CHD7: variants seen among roughly 807,000 people sequenced by gnomAD.
CHD7 encodes chromodomain helicase DNA binding protein 7.
A neutral mutation model predicts 307.3 loss-of-function variants in CHD7; 24 were observed. The observed-to-expected ratio is 0.08, with a 90% confidence interval of 0.06 to 0.11. CHD7 has a LOEUF of 0.11. Ranked by LOEUF, CHD7 falls within the 10% of genes least tolerant of loss-of-function variation. CHD7 has a pLI of 1.00. For synonymous variants in CHD7, 1,363 were observed against 1,349.9 expected (o/e 1.01, Z -0.21); for missense variants, 3,106 against 3,727.1 (o/e 0.83, Z 4.34).
chr8:60,772,793 G>C (rs528663720), intron 2 of CHD7, among the ~76,000 whole-genome samples: 3 of 152,328 alleles, frequency 2.0e-5, no homozygotes, highest in Admixed American at 6.5e-5. Flanking sequence ...TGAACATACT[G>C]TCTTTGTCAT....
Position 60,761,216 on chromosome 8 carries a change from A to T in CHD7, c.1665+18119A>T, listed in dbSNP as rs1338165072. 2.6e-5 allele frequency among the ~76,000 whole-genome samples: 4 copies of T among 151,492 alleles called. No homozygotes were observed. The South Asian group carries it at 8.4e-4, about 32-fold the overall frequency. On this transcript the variant is annotated intron_variant, in intron 2 of 37. Coordinates refer to ENST00000423902, the MANE Select transcript of CHD7 (RefSeq NM_017780.4). ...AGGGACATGGATGAAATTGGAAATC[A>T]TCATTCTCAGTAAACTATCGCAAGA...
intron 1 of CHD7, among the ~76,000 whole-genome samples, chr8:60,727,207 G>T (rs777356242): frequency 7.2e-5 from 11 of 151,992 alleles, no homozygotes; most frequent in Non-Finnish European, 1.2e-4. Flanking sequence ...GCTCATTGCA[G>T]CCTCGACCTC....
chr8:60,858,817 C>T (rs1282346555), intron 34 of CHD7, among the ~76,000 whole-genome samples: 1 of 152,066 alleles, frequency 6.6e-6, no homozygotes. Context: ...ACCATGTTGC[C>T]CAGGCTGGTC....
Position 60,841,994 on chromosome 8 carries a change from T to A in CHD7, c.4792T>A (p.Ser1598Thr), listed in dbSNP as rs1804996442. The A allele has an allele frequency of 6.2e-7, 1 of 1,613,938 alleles. No homozygotes were observed. The highest frequency in any genetic ancestry group is 8.5e-7 in the Non-Finnish European group (1 of 1,179,864). ...AAAGCCACGGCGTCCCCAGGATAAG[T>A]CACAGGGCTATGCAAGGAGTGAATG... ...CAKPRRPQDK[S>T]QGYARSECFR... Residue 1598 changes from serine (S) to threonine (T), a missense_variant, in exon 21 of 38, where the codon TCA becomes ACA. Transcript: ENST00000423902.
At chr8:60,799,926 C>T (rs937021406) in intron 4 of CHD7, among the ~76,000 whole-genome samples, 1 of 152,132 alleles carries the variant, frequency 6.6e-6, no homozygotes, top group Non-Finnish European at 1.5e-5. Flanking sequence ...TATTTGTTAG[C>T]ACTGTGATCT....
chr8:60,807,610 G>T (rs1045669912), intron 6 of CHD7, among the ~76,000 whole-genome samples: 1 of 152,194 alleles, frequency 6.6e-6, no homozygotes, highest in East Asian at 1.9e-4. Context: ...TGGCTGCTAT[G>T]TGTGTGAGAC....
At chr8:60,831,988 G>A (rs113276082) in intron 15 of CHD7, among the ~76,000 whole-genome samples, 8 of 151,942 alleles carry the variant, frequency 5.3e-5, no homozygotes, top group African/African-American at 9.6e-5. Flanking sequence ...GGTGTGATGC[G>A]ACGAATCAGT....
rs757868659 is a variant in CHD7 at position 60,856,001 on chromosome 8, C to A, written c.6963C>A (p.Asp2321Glu). ...ATAGAGTAATGATAAACCGCTTAGACAACATCTGTGAAGCAGTGTTGAAAG... is the reference window on the plus strand; with the variant it reads ...ATAGAGTAATGATAAACCGCTTAGAAAACATCTGTGAAGCAGTGTTGAAAG... ...PKDRVMINRL[D>E]NICEAVLKGK... Residue 2321 changes from aspartate to glutamate, a missense_variant, in exon 33 of 38, where the codon GAC becomes GAA. Physicochemically the swap from Asp to Glu is conservative, Grantham distance 45. This residue lies in a region of CHD7 where 1,030 missense variants were observed against 1,165.4 expected (regional missense o/e 0.88). Coordinates refer to ENST00000423902, the MANE Select transcript of CHD7 (RefSeq NM_017780.4). The A allele has an allele frequency of 6.2e-7, 1 of 1,609,892 alleles. No individual in the cohort carries two copies. Among genetic ancestry groups the A allele is most frequent in the Non-Finnish European group, 8.5e-7 (1 of 1,177,854 alleles).
At chr8:60,779,525 T>C (rs78107892) in intron 2 of CHD7, among the ~76,000 whole-genome samples, 292 of 152,356 alleles carry the variant, frequency 1.9e-3, no homozygotes, top group African/African-American at 6.5e-3. Flanking sequence ...TTTTTTGTTA[T>C]GAGATTCAGG....
intron 1 of CHD7, among the ~76,000 whole-genome samples, chr8:60,733,383 A>T (rs1470354980): frequency 6.6e-6 from 1 of 152,200 alleles, no homozygotes; most frequent in African/African-American, 2.4e-5. Context: ...TGCTATTAGA[A>T]TGTGTGCCCA....
chr8:60,781,924 A>C (rs1811256645), intron 3 of CHD7, among the ~76,000 whole-genome samples: 1 of 152,222 alleles, frequency 6.6e-6, no homozygotes, highest in Admixed American at 6.5e-5. Flanking sequence ...TGAGCAGCGC[A>C]AGAGAAATCA....
intron 3 of CHD7, among the ~76,000 whole-genome samples, chr8:60,789,098 C>T (rs1811646581): frequency 6.6e-6 from 1 of 152,180 alleles, no homozygotes; most frequent in African/African-American, 2.4e-5. Context: ...ATGCTCTGCT[C>T]TTAAGTTGAG....
chr8:60,777,131 A>G (rs1346509753), intron 2 of CHD7, among the ~76,000 whole-genome samples: 4 of 152,208 alleles, frequency 2.6e-5, no homozygotes, highest in Non-Finnish European at 5.9e-5. Context: ...TTTTGTTTTC[A>G]TAAGTACCAT....
At chr8:60,821,329 G>T (rs1804022957) in intron 9 of CHD7, among the ~76,000 whole-genome samples, 1 of 152,060 alleles carries the variant, frequency 6.6e-6, no homozygotes, top group South Asian at 2.1e-4. Context: ...ACTTACCAAT[G>T]ATTTTGATAA....
chr8:60,738,428 T>C (rs1011665053), intron 1 of CHD7, among the ~76,000 whole-genome samples: 2 of 152,222 alleles, frequency 1.3e-5, no homozygotes, highest in African/African-American at 4.8e-5. Flanking sequence ...TTGTGGCCCA[T>C]TGAACAGTGT....
intron 3 of CHD7, among the ~76,000 whole-genome samples, chr8:60,781,971 G>C (rs986130757): frequency 6.6e-5 from 10 of 152,158 alleles, no homozygotes; most frequent in African/African-American, 2.4e-4. Context: ...TTCAAGAGTA[G>C]CATGAATTTT....
At chr8:60,839,388 G>C (rs1409951268) in intron 19 of CHD7, among the ~76,000 whole-genome samples, 1 of 152,134 alleles carries the variant, frequency 6.6e-6, no homozygotes, top group Non-Finnish European at 1.5e-5. Context: ...TGTTGTTATG[G>C]ATATTTGTGT....
intron 23 of CHD7, among the ~76,000 whole-genome samples, chr8:60,846,682 A>G (rs1391452715): frequency 1.3e-5 from 2 of 152,270 alleles, no homozygotes; most frequent in Non-Finnish European, 2.9e-5. Context: ...AGCAGCAACA[A>G]AGTCTGAGCA....
intron 7 of CHD7, 77 bp from the exon 8 acceptor site, chr8:60,816,310 T>G (rs1369708064): frequency 2.4e-6 from 2 of 817,944 alleles, no homozygotes; most frequent in Non-Finnish European, 3.9e-6. Flanking sequence ...ATCTGTGTAG[T>G]TGACTTTTTT....
Sources: gnomAD v4.1 joint callset for allele counts (sites outside exome capture counted in the v4.1 genomes callset) on GRCh38, gnomAD v4.1.1 for gene constraint, gnomAD v4.1.1 regional missense constraint, MANE v1.5 for transcripts, NCBI Gene and HGNC (gene_info 2026-07-23, HGNC 2026-07-21) for gene names.